Variants in SNTG1 observed in about 807,000 individuals in gnomAD.
The protein encoded by SNTG1 is gamma-1-syntrophin.
Under a neutral mutation model 74.7 loss-of-function variants are expected in SNTG1, and 39 were observed. The ratio of observed to expected loss-of-function variants is 0.52; its 90% confidence interval spans 0.40 to 0.68. SNTG1 has a LOEUF of 0.68. Among genes scored for constraint, SNTG1 ranks in the 30% least tolerant of loss-of-function variants. The pLI is 0.00. For missense variants in SNTG1, 685 were observed against 609.5 expected, an observed-to-expected ratio of 1.12 and a Z score of -1.30; for synonymous variants, 254 against 217.1, an observed-to-expected ratio of 1.17 and a Z score of -1.49.
rs1421774952 is a variant in SNTG1 at position 50,795,200 on chromosome 8, A to G, written c.*2371A>G. 9 of 152,040 alleles carry G rather than the reference A, an allele frequency of 5.9e-5. No homozygotes were observed. Among genetic ancestry groups the G allele is most frequent in the Non-Finnish European group, 1.3e-4 (9 of 67,970 alleles). The allele number at this position is 152,040 out of a possible 1,614,324, so 9.4% of individuals were successfully genotyped here. On this transcript the variant is annotated 3_prime_UTR_variant, in exon 19 of 19. Coordinates refer to ENST00000642720, the MANE Select transcript of SNTG1 (RefSeq NM_018967.5). ...AAAACTTATGACAATACCATTATGA[A>G]TATTTTTGATACTATTGATAAAAAA...
At chr8:50,337,809 T>C (rs1035508774) in intron 2 of SNTG1, among the ~76,000 whole-genome samples, 4 of 152,190 alleles carry the variant, frequency 2.6e-5, no homozygotes, top group African/African-American at 4.8e-5. Flanking sequence ...TGAAATATAG[T>C]TGAAAAATTT....
At chr8:49,923,659 C>G (rs1422609522) in intron 1 of SNTG1, among the ~76,000 whole-genome samples, 2 of 151,868 alleles carry the variant, frequency 1.3e-5, no homozygotes, top group Admixed American at 6.6e-5. Context: ...ATAACTGCTC[C>G]TAATGAACAT....
At chr8:50,775,630 G>T (rs1249996237) in intron 18 of SNTG1, among the ~76,000 whole-genome samples, 7 of 151,564 alleles carry the variant, frequency 4.6e-5, no homozygotes, top group Admixed American at 4.6e-4. Flanking sequence ...GTTTGATCTT[G>T]TCAGTTGATG....
intron 1 of SNTG1, among the ~76,000 whole-genome samples, chr8:50,136,464 G>A (rs572887951): frequency 6.6e-6 from 1 of 152,184 alleles, no homozygotes; most frequent in South Asian, 2.1e-4. Flanking sequence ...GGTGTGAGAT[G>A]GTATCCCTTT....
At chr8:50,123,002 C>T (rs111290921) in intron 1 of SNTG1, among the ~76,000 whole-genome samples, 5 of 142,866 alleles carry the variant, frequency 3.5e-5, no homozygotes, top group African/African-American at 1.3e-4. Flanking sequence ...TTCTAGCATA[C>T]TGTGACAGAT....
In SNTG1 at chr8:50,450,587, T is replaced by A; in HGVS notation, c.309T>A (p.Asp103Glu). 1 of 1,613,554 alleles carries A rather than the reference T, an allele frequency of 6.2e-7. No homozygotes were observed. The highest frequency in any genetic ancestry group is 8.5e-7 in the Non-Finnish European group (1 of 1,179,758). Residue 103 changes from aspartate (D) to glutamate (E), a missense_variant, in exon 7 of 19, where the codon GAT becomes GAA. Physicochemically the swap from Asp to Glu is conservative, Grantham distance 45 (BLOSUM62 2). Transcript: ENST00000642720. ...TTTCAGGACTACTTTTTATTGGAGA[T>A]GCAATTCTACAGGTATACATTTTAT... ...AELSGLLFIG[D>E]AILQINGINV...
intron 18 of SNTG1, among the ~76,000 whole-genome samples, chr8:50,769,992 T>A (rs1007461448): frequency 6.6e-6 from 1 of 152,036 alleles, no homozygotes; most frequent in Non-Finnish European, 1.5e-5. Flanking sequence ...AGATACATAA[T>A]AAACCAATAA....
intron 1 of SNTG1, among the ~76,000 whole-genome samples, chr8:50,130,414 T>G (rs2081281548): frequency 1.3e-5 from 2 of 151,940 alleles, no homozygotes; most frequent in Non-Finnish European, 2.9e-5. Flanking sequence ...TACGAAGAAA[T>G]GTAATATATA....
At chr8:50,634,384 C>T (rs893860786) in intron 13 of SNTG1, among the ~76,000 whole-genome samples, 1 of 152,154 alleles carries the variant, frequency 6.6e-6, no homozygotes, top group Non-Finnish European at 1.5e-5. Flanking sequence ...GACTTGGGTC[C>T]TGTCTTGTGC....
At chr8:50,294,979 C>G (rs1471489219) in intron 2 of SNTG1, among the ~76,000 whole-genome samples, 1 of 152,140 alleles carries the variant, frequency 6.6e-6, no homozygotes, top group African/African-American at 2.4e-5. Flanking sequence ...CTCTCTCAGT[C>G]AACAGATACA....
chr8:50,347,114 C>G (rs2091501477), intron 2 of SNTG1, among the ~76,000 whole-genome samples: 1 of 152,216 alleles, frequency 6.6e-6, no homozygotes, highest in Non-Finnish European at 1.5e-5. Context: ...TTAGGACTTT[C>G]TCAAATAGAG....
chr8:49,940,046 G>A, intron 1 of SNTG1, among the ~76,000 whole-genome samples: 1 of 152,162 alleles, frequency 6.6e-6, no homozygotes, highest in East Asian at 1.9e-4. Context: ...TGGCTTCTGG[G>A]AGTTGACTCC....
chr8:50,167,788 G>C (rs897786771), intron 1 of SNTG1, among the ~76,000 whole-genome samples: 6 of 149,682 alleles, frequency 4.0e-5, no homozygotes, highest in African/African-American at 1.2e-4. Context: ...ACCCCAGGCT[G>C]GGCAAGTTTG....
intron 1 of SNTG1, among the ~76,000 whole-genome samples, chr8:49,990,936 A>G (rs1254043834): frequency 1.3e-5 from 2 of 152,178 alleles, no homozygotes; most frequent in African/African-American, 4.8e-5. Flanking sequence ...GAAAAAATGG[A>G]CAAATTGAAC....
chr8:50,652,187 A>G (rs1478831670), intron 13 of SNTG1, among the ~76,000 whole-genome samples: 2 of 152,166 alleles, frequency 1.3e-5, no homozygotes, highest in African/African-American at 4.8e-5. Context: ...ATGTCATTTG[A>G]ATGGCAAAAC....
intron 3 of SNTG1, among the ~76,000 whole-genome samples, chr8:50,400,017 A>G (rs1273558566): frequency 3.9e-5 from 6 of 152,248 alleles, no homozygotes. Context: ...TGTATATGAT[A>G]GAGGGCAAAA....
chr8:50,517,758 ATCCT>A lies in SNTG1; in HGVS notation c.467-12418_467-12415del, dbSNP rs201168570. On this transcript the variant is annotated intron_variant, in intron 9 of 18. Transcript: ENST00000642720. ...ATCAATGCAACAAGAAGAGCTAACT[ATCCT>A]AAATATATATGCACCCAATATAGGA... Among the ~76,000 whole-genome samples the A allele has an allele frequency of 1.3e-3, 201 of 152,312 alleles. No individual in the cohort carries two copies. In the East Asian group the frequency reaches 0.033, roughly 25 times the overall value.
chr8:50,705,304 AC>A (rs2095439752), intron 16 of SNTG1, among the ~76,000 whole-genome samples: 1 of 152,232 alleles, frequency 6.6e-6, no homozygotes, highest in African/African-American at 2.4e-5. Flanking sequence ...ACTTTTGAAC[AC>A]AATATAATGT....
At chr8:50,500,416 G>C (rs926705402) in intron 8 of SNTG1, among the ~76,000 whole-genome samples, 4 of 151,398 alleles carry the variant, frequency 2.6e-5, no homozygotes, top group Admixed American at 6.6e-5. Flanking sequence ...TAACTTTTTT[G>C]GCTGAAATTT....
Sources: gnomAD v4.1 joint callset for allele counts (sites outside exome capture counted in the v4.1 genomes callset) on GRCh38, gnomAD v4.1.1 for gene constraint, MANE v1.5 for transcripts, NCBI Gene and HGNC (gene_info 2026-07-23, HGNC 2026-07-21) for gene names.